ABCA12: variants seen among roughly 807,000 people sequenced by gnomAD.
ABCA12 encodes glucosylceramide transporter ABCA12.
Under a neutral mutation model 293.5 loss-of-function variants are expected in ABCA12, and 156 were observed. The observed-to-expected ratio is 0.53, with a 90% CI of 0.47 to 0.61. The LOEUF (loss-of-function observed/expected upper bound fraction) is 0.61. Ranked by LOEUF, ABCA12 falls within the 20% of genes least tolerant of loss-of-function variation. The pLI is 0.00. For missense variants in ABCA12, 2,797 were observed against 3,090.2 expected, an observed-to-expected ratio of 0.91 and a Z score of 2.25; for synonymous variants, 1,063 against 1,108.0, an observed-to-expected ratio of 0.96 and a Z score of 0.81.
chr2:214,954,057 TGGGAAAATC>T lies in ABCA12; in HGVS notation c.6435_6443del (p.Ile2146_Pro2148del), dbSNP rs1559111904. 6.2e-7 allele frequency: 1 copy of T among 1,614,002 alleles called. No homozygotes were observed. Among genetic ancestry groups the T allele is most frequent in the Non-Finnish European group, 8.5e-7 (1 of 1,179,970 alleles). On this transcript the variant is annotated inframe_deletion, in exon 44 of 53. Transcript: ENST00000272895. ...TCAAACCGTAGCCAAAACAGAATTG[TGGGAAAATC>T]AGGAAAATGCGCTTGAGGGTTTCAG... is the stretch of plus-strand genomic sequence containing the variant.
At chr2:215,088,436 CA>C (rs1471954137) in intron 2 of ABCA12, among the ~76,000 whole-genome samples, 1 of 152,138 alleles carries the variant, frequency 6.6e-6, no homozygotes, top group East Asian at 1.9e-4. Flanking sequence ...CCACATTAGG[CA>C]ACGGCCAGTT....
chr2:215,118,841 G>GT (rs775761591), intron 1 of ABCA12, among the ~76,000 whole-genome samples: 57 of 152,032 alleles, frequency 3.7e-4, no homozygotes, highest in Non-Finnish European at 6.9e-4. Flanking sequence ...TCTTTTGCCC[G>GT]TTTTTTAAAT....
At chr2:215,138,054 GT>G in intron 1 of ABCA12, 85 bp downstream of exon 1, 1 of 1,350,386 alleles carries the variant, frequency 7.4e-7, no homozygotes, top group Non-Finnish European at 1.1e-6. Flanking sequence ...AAACTCTTCT[GT>G]TTTCACTTCT....
intron 11 of ABCA12, chr2:215,022,434 CT>C (rs1197141435): frequency 6.6e-6 from 1 of 152,178 alleles, no homozygotes; most frequent in African/African-American, 2.4e-5. Context: ...GTCATTTTGT[CT>C]TTGTTATTAC....
At chr2:215,031,966 AC>A (rs766054981) in intron 8 of ABCA12, 70 bp from the exon 9 acceptor site, 2 of 1,605,744 alleles carry the variant, frequency 1.2e-6, no homozygotes, top group Non-Finnish European at 1.7e-6. Flanking sequence ...CTCAGTGAAA[AC>A]CATCCCAGGT....
intron 1 of ABCA12, among the ~76,000 whole-genome samples, chr2:215,126,743 A>T (rs944878311): frequency 2.6e-5 from 4 of 151,694 alleles, no homozygotes; most frequent in Non-Finnish European, 4.4e-5. Context: ...TTTTCAAAAA[A>T]CCAGCTTTTT....
intron 23 of ABCA12, among the ~76,000 whole-genome samples, chr2:214,994,643 C>T (rs1481176624): frequency 6.6e-6 from 1 of 152,126 alleles, no homozygotes; most frequent in African/African-American, 2.4e-5. Flanking sequence ...TGACAATAGA[C>T]ATTTATATTA....
intron 1 of ABCA12, among the ~76,000 whole-genome samples, chr2:215,123,496 C>A (rs938774299): frequency 2.0e-5 from 3 of 152,166 alleles, no homozygotes; most frequent in East Asian, 1.9e-4. Flanking sequence ...ATCCAATGAA[C>A]TGTTGGCGGA....
intron 3 of ABCA12, among the ~76,000 whole-genome samples, chr2:215,056,522 C>CT (rs1006241033): frequency 4.0e-5 from 6 of 151,750 alleles, no homozygotes; most frequent in South Asian, 4.2e-4. Flanking sequence ...CTTAATGTGT[C>CT]TTTTTTTTGG....
intron 1 of ABCA12, among the ~76,000 whole-genome samples, chr2:215,129,565 T>C (rs1187558886): frequency 6.6e-5 from 10 of 152,238 alleles, no homozygotes; most frequent in Admixed American, 6.5e-4. Flanking sequence ...TTGCCCAGTT[T>C]CTAATGGGGT....
intron 2 of ABCA12, among the ~76,000 whole-genome samples, chr2:215,089,341 A>C (rs1008110959): frequency 6.6e-6 from 1 of 152,176 alleles, no homozygotes; most frequent in Admixed American, 6.5e-5. Flanking sequence ...TACTAGGCTA[A>C]AACTACTAGG....
intron 1 of ABCA12, among the ~76,000 whole-genome samples, chr2:215,118,024 C>T (rs1305014163): frequency 1.3e-5 from 2 of 152,202 alleles, no homozygotes; most frequent in Non-Finnish European, 2.9e-5. Context: ...TGTACTTTAC[C>T]TATCACATTA....
At chr2:215,007,988 T>G in intron 18 of ABCA12, 142 bp from the exon 19 acceptor site, 1 of 1,070,474 alleles carries the variant, frequency 9.3e-7, no homozygotes, top group Non-Finnish European at 1.3e-6. Context: ...GTCAGAAATT[T>G]CCCACATGGT....
intron 8 of ABCA12, among the ~76,000 whole-genome samples, chr2:215,033,928 G>A (rs2106033621): frequency 6.6e-6 from 1 of 152,004 alleles, no homozygotes; most frequent in South Asian, 2.1e-4. Flanking sequence ...GCGACGGAGT[G>A]AGACTCCGTC....
At chr2:214,968,218 C>T (rs989236730) in intron 38 of ABCA12, among the ~76,000 whole-genome samples, 2 of 152,038 alleles carry the variant, frequency 1.3e-5, no homozygotes, top group African/African-American at 4.8e-5. Flanking sequence ...TTTCCCTGAC[C>T]CTCTGTGTCC....
intron 8 of ABCA12, among the ~76,000 whole-genome samples, chr2:215,035,298 T>G (rs1489133430): frequency 6.6e-6 from 1 of 152,166 alleles, no homozygotes; most frequent in Non-Finnish European, 1.5e-5. Context: ...AAAAGGTAAG[T>G]GTATCAAATT....
intron 2 of ABCA12, among the ~76,000 whole-genome samples, chr2:215,097,121 A>T (rs779860592): frequency 6.6e-6 from 1 of 152,180 alleles, no homozygotes; most frequent in African/African-American, 2.4e-5. Flanking sequence ...CTAACCTGGT[A>T]TAGAGGTTCA....
Position 214,974,004 on chromosome 2 carries a change from G to A in ABCA12, c.5507C>T (p.Thr1836Ile), listed in dbSNP as rs758698253. ...AAAATTAGTGATGGGTTCTCCACTG[G>A]TGTTCCATTTTTCCAGACTGTCTTT... is the stretch of plus-strand genomic sequence containing the variant. ...LNKDSLEKWN[T>I]SGEPITNFGV... The change falls in exon 36 of 53, where the codon ACC (threonine) becomes ATC (isoleucine). Residue 1836 changes from threonine to isoleucine, a missense_variant. Transcript: ENST00000272895. 1 of 1,613,846 alleles carries A rather than the reference G, an allele frequency of 6.2e-7. No homozygotes were observed. Among genetic ancestry groups the A allele is most frequent in the African/African-American group, 1.3e-5 (1 of 74,892 alleles).
intron 7 of ABCA12, among the ~76,000 whole-genome samples, chr2:215,043,125 G>A (rs1001098641): frequency 5.3e-5 from 8 of 152,018 alleles, no homozygotes; most frequent in African/African-American, 1.9e-4. Flanking sequence ...GCAGTTAGAT[G>A]ATATCTCATT....
Sources: allele counts gnomAD v4.1 joint callset (sites outside exome capture counted in the v4.1 genomes callset), GRCh38; gene constraint gnomAD v4.1.1; transcripts MANE v1.5; gene names NCBI Gene and HGNC (gene_info 2026-07-23, HGNC 2026-07-21).